FAM120A: variants seen among roughly 807,000 people sequenced by gnomAD.
FAM120A encodes constitutive coactivator of PPAR-gamma-like protein 1.
FAM120A carries 15 observed loss-of-function variants against 109.7 expected under a neutral mutation model. The observed-to-expected ratio is 0.14, with a 90% CI of 0.09 to 0.21. The LOEUF (loss-of-function observed/expected upper bound fraction) is 0.21. Ranked by LOEUF, FAM120A falls within the 10% of genes least tolerant of loss-of-function variation. The probability of loss-of-function intolerance (pLI) is 1.00; values close to 1 mark genes in which losing one functional copy is unlikely to be tolerated. For synonymous variants in FAM120A, 493 were observed against 572.8 expected, an observed-to-expected ratio of 0.86 and a Z score of 1.99; for missense variants, 899 against 1,439.3, an observed-to-expected ratio of 0.62 and a Z score of 6.07.
intron 7 of FAM120A, 140 bp from the exon 8 acceptor site, chr9:93,527,014 TA>T: frequency 7.6e-6 from 5 of 658,258 alleles, no homozygotes; most frequent in Non-Finnish European, 1.3e-5. Context: ...AATATTAGTA[TA>T]ATAGAGTTAT....
chr9:93,482,646 G>T (rs1336446755), intron 3 of FAM120A, among the ~76,000 whole-genome samples: 1 of 152,150 alleles, frequency 6.6e-6, no homozygotes, highest in African/African-American at 2.4e-5. Flanking sequence ...GTAGCATCAG[G>T]ATCTCCAGGA....
At chr9:93,503,475 A>G (rs970201360) in intron 5 of FAM120A, among the ~76,000 whole-genome samples, 3 of 152,202 alleles carry the variant, frequency 2.0e-5, no homozygotes, top group African/African-American at 7.2e-5. Context: ...AAAGAAGCCA[A>G]TCAGAAAAGG....
At chr9:93,544,213 A>G (rs2131521812) in intron 11 of FAM120A, among the ~76,000 whole-genome samples, 1 of 152,328 alleles carries the variant, frequency 6.6e-6, no homozygotes, top group African/African-American at 2.4e-5. Context: ...GGCCCGTGTG[A>G]CACACACCAT....
rs1310149346 is a variant in FAM120A, at chr9:93,451,982, C to A, written c.67C>A (p.Leu23Met). The A allele has an allele frequency of 1.9e-6, 3 of 1,545,388 alleles. No homozygotes were observed. The highest frequency in any genetic ancestry group is 2.6e-6 in the Non-Finnish European group (3 of 1,146,318). Residue 23 changes from leucine to methionine, a missense_variant, in exon 1 of 18, where the codon CTG becomes ATG. Transcript: ENST00000277165. ...HCPSAVVPVE[L>M]QKLARGSLVG... ...CCCGAGCGCCGTGGTGCCGGTGGAGCTGCAGAAGCTGGCCCGGGGCAGCCT... is the reference window on the plus strand; with the variant it reads ...CCCGAGCGCCGTGGTGCCGGTGGAGATGCAGAAGCTGGCCCGGGGCAGCCT...
In FAM120A at chr9:93,479,259, C is replaced by T. The variant is rs1045309505; in HGVS notation, c.804+2921C>T. On this transcript the variant is annotated intron_variant, in intron 3 of 17. Transcript: ENST00000277165. ...GACTACAGGCGCCCGCCACTACGCC[C>T]GGCTAATTTTTTGTATTTTTAGTAG... Among the ~76,000 whole-genome samples the T allele has an allele frequency of 5.9e-5, 9 of 151,874 alleles. 1 individual carries two copies. Among genetic ancestry groups the T allele is most frequent in the South Asian group, 2.1e-4 (1 of 4,806 alleles).
At chr9:93,525,478 A>G (rs958115645) in intron 7 of FAM120A, among the ~76,000 whole-genome samples, 1 of 152,230 alleles carries the variant, frequency 6.6e-6, no homozygotes, top group Non-Finnish European at 1.5e-5. Flanking sequence ...AGCATTCCAC[A>G]TGAGCCTTTA....
intron 4 of FAM120A, 57 bp downstream of exon 4, chr9:93,497,656 A>G: frequency 6.4e-7 from 1 of 1,553,264 alleles, no homozygotes; most frequent in Non-Finnish European, 8.7e-7. Flanking sequence ...GACGTTGCAT[A>G]GTGGTGTGGC....
chr9:93,467,872 G>C (rs144332219), intron 1 of FAM120A, among the ~76,000 whole-genome samples: 10 of 151,636 alleles, frequency 6.6e-5, no homozygotes, highest in Admixed American at 5.9e-4. Flanking sequence ...TTGTTTTTTT[G>C]TATTTTTTTT....
At chr9:93,536,914 A>G (rs998388786) in intron 10 of FAM120A, among the ~76,000 whole-genome samples, 10 of 152,250 alleles carry the variant, frequency 6.6e-5, no homozygotes, top group Non-Finnish European at 1.0e-4. Flanking sequence ...ATGGCAGTAT[A>G]TGCCTTGAAA....
chr9:93,519,489 C>T (rs886660927), intron 7 of FAM120A, among the ~76,000 whole-genome samples: 1 of 152,210 alleles, frequency 6.6e-6, no homozygotes, highest in South Asian at 2.1e-4. Flanking sequence ...GTGATCCCCC[C>T]ACCTCGGCCT....
chr9:93,477,890 T>C (rs1164177846), intron 3 of FAM120A, among the ~76,000 whole-genome samples: 1 of 152,216 alleles, frequency 6.6e-6, no homozygotes, highest in East Asian at 1.9e-4. Flanking sequence ...GTTGAGAAAA[T>C]CTTTAAGTAT....
chr9:93,545,779 C>CTTTTTTTTTTTTT (rs1564355502), intron 11 of FAM120A, among the ~76,000 whole-genome samples: 2 of 86,994 alleles, frequency 2.3e-5, no homozygotes, highest in African/African-American at 8.6e-5. Flanking sequence ...GGGAAAGACT[C>CTTTTTTTTTTTTT]CTTTTTTTTT....
At position 93,556,731 on chromosome 9, in the gene FAM120A, A is replaced by G; in HGVS notation, c.2484+140A>G. 5.3e-6 allele frequency: 4 copies of G among 758,304 alleles called. No individual in the cohort carries two copies. In the South Asian group the frequency reaches 7.0e-5, roughly 13 times the overall value. 47.0% of individuals were successfully genotyped at this position (758,304 alleles called of 1,614,324 possible). ...GTTGGGCCTGGTACTGAGTGTCACT[A>G]AATATCACTTCAGTACCCAGGATGA... On this transcript the variant is annotated intron_variant, in intron 13 of 17. Transcript: ENST00000277165.
At chr9:93,511,818 A>G (rs1214795232) in intron 5 of FAM120A, among the ~76,000 whole-genome samples, 1 of 152,130 alleles carries the variant, frequency 6.6e-6, no homozygotes, top group Non-Finnish European at 1.5e-5. Flanking sequence ...TATGAGATGG[A>G]GTCTCATTCT....
intron 1 of FAM120A, among the ~76,000 whole-genome samples, chr9:93,455,632 G>A (rs1293215695): frequency 1.3e-5 from 2 of 152,114 alleles, no homozygotes; most frequent in African/African-American, 2.4e-5. Context: ...AATTGGCAGA[G>A]GGGCATAATT....
intron 8 of FAM120A, among the ~76,000 whole-genome samples, chr9:93,527,902 C>T (rs770389363): frequency 3.3e-5 from 5 of 152,064 alleles, no homozygotes; most frequent in Admixed American, 1.3e-4. Context: ...GGATTATAGA[C>T]GTGAGCCACC....
chr9:93,520,424 T>C (rs575998145), intron 7 of FAM120A, among the ~76,000 whole-genome samples: 3 of 152,322 alleles, frequency 2.0e-5, no homozygotes, highest in African/African-American at 7.2e-5. Flanking sequence ...ACATAAAAAG[T>C]TGTTCACCGT....
At chr9:93,456,481 C>T (rs1389434833) in intron 1 of FAM120A, among the ~76,000 whole-genome samples, 1 of 152,182 alleles carries the variant, frequency 6.6e-6, no homozygotes, top group Non-Finnish European at 1.5e-5. Context: ...AGCATAATTA[C>T]ATGTTTGTAT....
chr9:93,483,393 A>C (rs1858906861), intron 3 of FAM120A, among the ~76,000 whole-genome samples: 1 of 151,542 alleles, frequency 6.6e-6, no homozygotes, highest in South Asian at 2.1e-4. Context: ...TTTTTTTTTT[A>C]AACATAGTCT....
Sources: gnomAD v4.1 joint callset for allele counts (sites outside exome capture counted in the v4.1 genomes callset) on GRCh38, gnomAD v4.1.1 for gene constraint, MANE v1.5 for transcripts, NCBI Gene and HGNC (gene_info 2026-07-23, HGNC 2026-07-21) for gene names.